BRCA1: variants seen among roughly 807,000 people sequenced by gnomAD.
BRCA1 encodes the protein breast cancer type 1 susceptibility protein.
A neutral mutation model predicts 173.7 loss-of-function variants in BRCA1; 140 were observed. The ratio of observed to expected loss-of-function variants is 0.81; its 90% CI spans 0.70 to 0.93. The LOEUF (loss-of-function observed/expected upper bound fraction) is 0.93. BRCA1 is among the 40% of genes least tolerant of loss of function. The probability of loss-of-function intolerance (pLI) is 0.00; values close to 1 mark genes in which losing one functional copy is unlikely to be tolerated. For synonymous variants in BRCA1, 662 were observed against 756.0 expected, an observed-to-expected ratio of 0.88 and a Z score of 2.04; for missense variants, 1,983 against 2,172.5, an observed-to-expected ratio of 0.91 and a Z score of 1.73.
At chr17:43,059,558 C>T (rs2051658919) in intron 18 of BRCA1, among the ~76,000 whole-genome samples, 1 of 152,168 alleles carries the variant, frequency 6.6e-6, no homozygotes, top group East Asian at 1.9e-4. Context: ...ATTCCTGCTT[C>T]CTGCCTTTCC....
At chr17:43,117,854 T>A (rs528123140) in intron 2 of BRCA1, among the ~76,000 whole-genome samples, 1 of 152,240 alleles carries the variant, frequency 6.6e-6, no homozygotes, top group Non-Finnish European at 1.5e-5. Flanking sequence ...TTTATTATAC[T>A]AATATAACAA....
At chr17:43,126,251 C>G (rs571745729), upstream of BRCA1, among the ~76,000 whole-genome samples, 54 of 152,184 alleles carry the variant, frequency 3.5e-4, no homozygotes, top group Non-Finnish European at 7.4e-5. Context: ...TGCCCCGTCT[C>G]CGTCGACGCA....
chr17:43,120,570 C>G (rs922882106), intron 2 of BRCA1, among the ~76,000 whole-genome samples: 2 of 151,402 alleles, frequency 1.3e-5, no homozygotes, highest in African/African-American at 4.9e-5. Context: ...TGGAGACCAT[C>G]CTGGCTAACA....
At chr17:43,098,583 G>A (rs529691620) in intron 7 of BRCA1, among the ~76,000 whole-genome samples, 115 of 151,478 alleles carry the variant, frequency 7.6e-4, no homozygotes, top group African/African-American at 2.4e-3. Context: ...ATCCAGGCTG[G>A]TCTCGAACTC....
intron 3 of BRCA1, chr17:43,112,482 T>C (rs1011603526): frequency 6.6e-6 from 1 of 152,156 alleles, no homozygotes; most frequent in Admixed American, 6.6e-5. Context: ...GCAAATGCCA[T>C]GTACCTGTAG....
chr17:43,049,547 C>T (rs1307605041), intron 20 of BRCA1, among the ~76,000 whole-genome samples: 1 of 152,194 alleles, frequency 6.6e-6, no homozygotes, highest in Non-Finnish European at 1.5e-5. Flanking sequence ...CCTTCCTTCC[C>T]TCCCTTCCTC....
At chr17:43,129,654 T>C (rs377508796), upstream of BRCA1, among the ~76,000 whole-genome samples, 18 of 152,204 alleles carry the variant, frequency 1.2e-4, no homozygotes, top group African/African-American at 4.3e-4. Context: ...TTTGTGTTTT[T>C]AGTAGAGATG....
rs1060504591 is a variant in BRCA1 at position 43,063,923 on chromosome 17, C to T, written c.5103G>A (p.Leu1701=). The part of the protein sequence containing the change: ...TDAEFVCERT[L]KYFLGIAGGK... ...CTCCCGCAATTCCTAGAAAATATTTCAGTGTCCGTTCACACACAAACTCAG... is the reference window on the plus strand; with the variant it reads ...CTCCCGCAATTCCTAGAAAATATTTTAGTGTCCGTTCACACACAAACTCAG... The change falls in exon 17 of 23, where the codon CTG becomes CTA. Residue 1701 remains leucine (L), a synonymous_variant. Transcript: ENST00000357654. The T allele has an allele frequency of 4.3e-6, 7 of 1,614,098 alleles. No homozygotes were observed. Among genetic ancestry groups the T allele is most frequent in the Non-Finnish European group, 5.9e-6 (7 of 1,179,996 alleles).
In BRCA1 at chr17:43,079,885, G is replaced by A. The variant is rs4793197; in HGVS notation, c.4357+2519C>T. ...TATAAATTCCTCTTCTTACTACAAT[G>A]GGCCTCATGCAATGAAGCAAATAAG... On this transcript the variant is annotated intron_variant, in intron 12 of 22. Transcript: ENST00000357654. The A allele has an allele frequency of 0.34, 219,753 of 650,874 alleles. 38,793 individuals are homozygous for A. The highest frequency in any genetic ancestry group is 0.5 in the South Asian group (28,665 of 57,462). The allele number at this position is 650,874 out of a possible 1,614,324, so 40.3% of individuals were successfully genotyped here. A position where few individuals can be genotyped will look rare whatever the true frequency, so the allele number is the denominator to read the frequency against.
chr17:43,056,449 G>C (rs2051460628), intron 19 of BRCA1, among the ~76,000 whole-genome samples: 1 of 152,144 alleles, frequency 6.6e-6, no homozygotes, highest in Non-Finnish European at 1.5e-5. Context: ...AAAGTGCTGG[G>C]ATAACAGGAA....
chr17:43,139,350 A>T (rs1250161470), intron 1 of BRCA1, among the ~76,000 whole-genome samples: 1 of 151,528 alleles, frequency 6.6e-6, no homozygotes, highest in Non-Finnish European at 1.5e-5. Context: ...CACTAGGCCT[A>T]ATACCCGATA....
chr17:43,126,399 A>G (rs1315212316), upstream of BRCA1, among the ~76,000 whole-genome samples: 1 of 152,148 alleles, frequency 6.6e-6, no homozygotes, highest in Non-Finnish European at 1.5e-5. Flanking sequence ...ATAGCGGCAG[A>G]GCTGGCAGCG....
intron 6 of BRCA1, among the ~76,000 whole-genome samples, chr17:43,100,500 C>T (rs1437741335): frequency 8.1e-6 from 1 of 123,792 alleles, no homozygotes; most frequent in Non-Finnish European, 1.7e-5. Flanking sequence ...TGCAACTATG[C>T]CTGGCTAATT....
rs915342957 is a variant in BRCA1 at position 43,077,626 on chromosome 17, G to A, written c.4358-1012C>T. On this transcript the variant is annotated intron_variant, in intron 12 of 22. Coordinates refer to ENST00000357654, the MANE Select transcript of BRCA1 (RefSeq NM_007294.4). ...GGGGATTACAGACATGAGCCACTGCGCCCAGCCTAATTCATTTTGTAATAT... is the reference window on the plus strand; with the variant it reads ...GGGGATTACAGACATGAGCCACTGCACCCAGCCTAATTCATTTTGTAATAT... Among the ~76,000 whole-genome samples, 20 of 152,092 alleles carry A rather than the reference G, an allele frequency of 1.3e-4. No individual in the cohort carries two copies. The East Asian group carries it at 3.7e-3, about 28-fold the overall frequency.
At chr17:43,144,665 T>C (rs931165048) in intron 1 of BRCA1, 4 of 177,064 alleles carry the variant, frequency 2.3e-5, no homozygotes, top group Non-Finnish European at 4.8e-5. Context: ...TAACTACACA[T>C]TTAAATGTCT....
At chr17:43,138,609 G>A (rs185525786) in intron 1 of BRCA1, 4 of 751,454 alleles carry the variant, frequency 5.3e-6, no homozygotes, top group Admixed American at 3.6e-5. Flanking sequence ...GAGTTGTGCT[G>A]CAGAGTGGTG....
At chr17:43,113,513 C>T (rs1455619878) in intron 3 of BRCA1, among the ~76,000 whole-genome samples, 1 of 152,032 alleles carries the variant, frequency 6.6e-6, no homozygotes, top group African/African-American at 2.4e-5. Flanking sequence ...ACTACAGGTA[C>T]GTGCCACCAT....
At chr17:43,089,698 G>T (rs1244299308) in intron 11 of BRCA1, among the ~76,000 whole-genome samples, 2 of 151,280 alleles carry the variant, frequency 1.3e-5, no homozygotes, top group Non-Finnish European at 2.9e-5. Flanking sequence ...AAAGAAAAAA[G>T]ATGATTTATG....
chr17:43,056,929 G>A, intron 19 of BRCA1, 123 bp downstream of exon 19: 1 of 875,532 alleles, frequency 1.1e-6, no homozygotes, highest in Middle Eastern at 2.3e-4. Context: ...CTGTGTGAAA[G>A]TATCTAGCAC....
Sources: gnomAD v4.1 joint callset for allele counts (sites outside exome capture counted in the v4.1 genomes callset) on GRCh38, gnomAD v4.1.1 for gene constraint, MANE v1.5 for transcripts, NCBI Gene and HGNC (gene_info 2026-07-23, HGNC 2026-07-21) for gene names.